The following PLA1A variants were observed in gnomAD, a reference collection of about 807,000 sequenced individuals.
PLA1A encodes the protein phospholipase A1 member A, also known as phosphatidylserine-specific phospholipase A1alpha.
A neutral mutation model predicts 49.4 loss-of-function variants in PLA1A; 47 were observed. The ratio of observed to expected loss-of-function variants is 0.95; its 90% CI spans 0.75 to 1.21. PLA1A has a LOEUF of 1.21. Among genes scored for constraint, PLA1A ranks in the 50% most tolerant of loss-of-function variants. The probability of loss-of-function intolerance (pLI) is 0.00; values close to 1 mark genes in which losing one functional copy is unlikely to be tolerated. For synonymous variants in PLA1A, 224 were observed against 207.9 expected, an observed-to-expected ratio of 1.08 and a Z score of -0.67; for missense variants, 561 against 563.9, an observed-to-expected ratio of 0.99 and a Z score of 0.05.
At chr3:119,613,556 C>T (rs2082798899) in intron 5 of PLA1A, among the ~76,000 whole-genome samples, 1 of 152,192 alleles carries the variant, frequency 6.6e-6, no homozygotes, top group Admixed American at 6.5e-5. Context: ...CTTCCCTCCT[C>T]CCCAGATGAC....
intron 9 of PLA1A, among the ~76,000 whole-genome samples, chr3:119,625,846 G>A (rs483349): frequency 0.61 from 92,143 of 151,952 alleles, 29,493 homozygotes; most frequent in East Asian, 0.89. Context: ...GAGAGGGCAA[G>A]GAACCCCAAC....
At position 119,606,879 on chromosome 3, in the gene PLA1A, A is replaced by T; in HGVS notation, c.179A>T (p.Asn60Ile). 1.2e-6 allele frequency: 2 copies of T among 1,614,046 alleles called. No homozygotes were observed. The highest frequency in any genetic ancestry group is 1.7e-6 in the Non-Finnish European group (2 of 1,179,928). Residue 60 changes from asparagine to isoleucine, a missense_variant, in exon 2 of 11, where the codon AAT becomes ATT. Coordinates refer to ENST00000273371, the MANE Select transcript of PLA1A (RefSeq NM_015900.4). ...KVQFLLFVPS[N>I]PSCGQLVEGS... Reference sequence around the variant, plus strand: ...CAGTTTCTCCTCTTTGTCCCTTCGAATCCTAGCTGTGGGCAGCTAGTAGAA... The same window carrying T: ...CAGTTTCTCCTCTTTGTCCCTTCGATTCCTAGCTGTGGGCAGCTAGTAGAA...
At chr3:119,618,328 G>T (rs1470523249) in intron 7 of PLA1A, 142 bp downstream of exon 7, 4 of 755,570 alleles carry the variant, frequency 5.3e-6, no homozygotes, top group Non-Finnish European at 8.8e-6. Context: ...GAGGTGCTCA[G>T]CCTGTTCTTA....
chr3:119,603,988 G>T (rs1360507369), intron 1 of PLA1A, among the ~76,000 whole-genome samples: 6 of 152,200 alleles, frequency 3.9e-5, no homozygotes, highest in African/African-American at 1.4e-4. Context: ...GCTTCCCAAA[G>T]AATTATTTTA....
chr3:119,629,406 G>C lies in PLA1A; in HGVS notation c.1309G>C (p.Glu437Gln). The change falls in exon 11 of 11, where the codon GAA becomes CAA. Residue 437 changes from glutamate (E) to glutamine (Q), a missense_variant. Physicochemically the swap from Glu to Gln is conservative, Grantham distance 29 (BLOSUM62 2). Coordinates refer to ENST00000273371, the MANE Select transcript of PLA1A (RefSeq NM_015900.4). ...CAGAGAAAAGATGGTCTGCTTACCT[G>C]AACCAGTGAACTTACAAGCAAGTGT... ...NDREKMVCLP[E>Q]PVNLQASVTV... The C allele has an allele frequency of 6.2e-7, 1 of 1,610,466 alleles. No individual in the cohort carries two copies. Among genetic ancestry groups the C allele is most frequent in the Non-Finnish European group, 8.5e-7 (1 of 1,176,802 alleles).
At chr3:119,617,650 G>A (rs2082866608) in intron 6 of PLA1A, among the ~76,000 whole-genome samples, 10 of 151,714 alleles carry the variant, frequency 6.6e-5, no homozygotes, top group Admixed American at 6.6e-4. Context: ...GACTGAGGCA[G>A]GAAAATTGCT....
At chr3:119,626,689 C>G (rs1001374117) in intron 9 of PLA1A, among the ~76,000 whole-genome samples, 2 of 152,154 alleles carry the variant, frequency 1.3e-5, no homozygotes, top group African/African-American at 4.8e-5. Context: ...TGGACATGAA[C>G]TCTGCTGTGA....
chr3:119,602,144 C>G (rs921373635), intron 1 of PLA1A, among the ~76,000 whole-genome samples: 3 of 152,074 alleles, frequency 2.0e-5, no homozygotes, highest in African/African-American at 7.2e-5. Flanking sequence ...TCTCCCCTGT[C>G]CTTTGCACTT....
At chr3:119,600,169 C>T (rs979645609) in intron 1 of PLA1A, 33 of 528,944 alleles carry the variant, frequency 6.2e-5, no homozygotes, top group Non-Finnish European at 9.8e-5. Context: ...CAGGTGCCTG[C>T]TGTCACACAA....
intron 1 of PLA1A, among the ~76,000 whole-genome samples, chr3:119,605,382 A>G (rs1239987860): frequency 1.3e-5 from 2 of 152,244 alleles, no homozygotes; most frequent in African/African-American, 4.8e-5. Context: ...GGTATTCTCC[A>G]CAGGTGGGGT....
At chr3:119,620,108 C>T (rs920526745) in intron 8 of PLA1A, 5 of 457,270 alleles carry the variant, frequency 1.1e-5, no homozygotes, top group African/African-American at 2.0e-5. Flanking sequence ...TGCTCCTAAC[C>T]ATGGCATTTC....
chr3:119,611,855 C>T (rs2082767918), intron 4 of PLA1A, among the ~76,000 whole-genome samples: 1 of 152,160 alleles, frequency 6.6e-6, no homozygotes, highest in African/African-American at 2.4e-5. Flanking sequence ...TTTCTCTTGC[C>T]TGATTGCTCT....
intron 7 of PLA1A, 41 bp from the exon 8 acceptor site, chr3:119,619,522 G>A: frequency 7.1e-7 from 1 of 1,400,274 alleles, no homozygotes; most frequent in Non-Finnish European, 1.0e-6. Flanking sequence ...CCCTAAGATA[G>A]CCTTCTCAGG....
chr3:119,623,870 G>A (rs535819011), intron 8 of PLA1A, among the ~76,000 whole-genome samples: 6 of 151,774 alleles, frequency 4.0e-5, no homozygotes, highest in African/African-American at 1.5e-4. Context: ...GGTTACAGGT[G>A]CCTGCCACCA....
chr3:119,604,729 T>A (rs1395332760), intron 1 of PLA1A, among the ~76,000 whole-genome samples: 13 of 152,148 alleles, frequency 8.5e-5, no homozygotes, highest in Non-Finnish European at 8.8e-5. Context: ...ATATAAAAAA[T>A]TTTTAAAAAT....
chr3:119,598,021 T>A, intron 1 of PLA1A, 35 bp downstream of exon 1: 1 of 1,351,638 alleles, frequency 7.4e-7, no homozygotes, highest in Non-Finnish European at 1.0e-6. Flanking sequence ...AGGAACTTAT[T>A]TCAGTCAGTG....
intron 2 of PLA1A, among the ~76,000 whole-genome samples, chr3:119,608,260 GAAAGAA>G (rs1560078879): frequency 6.8e-6 from 1 of 148,004 alleles, no homozygotes; most frequent in African/African-American, 2.5e-5. Flanking sequence ...AAGAAAGAAA[GAAAGAA>G]AGAAAGAAAG....
rs1303337939 is a variant in PLA1A at position 119,606,935 on chromosome 3, A to C, written c.235A>C (p.Asn79His). 6.2e-7 allele frequency: 1 copy of C among 1,614,202 alleles called. No homozygotes were observed. The highest frequency in any genetic ancestry group is 1.3e-5 in the African/African-American group (1 of 75,036). Residue 79 changes from asparagine (N) to histidine (H), a missense_variant, in exon 2 of 11, where the codon AAT becomes CAT. Asn to His is a moderately conservative substitution (Grantham distance 68). Transcript: ENST00000273371. ...CAGTGACCTCCAAAACTCTGGGTTC[A>C]ATGCCACTCTGGGAACCAAACTAAT... ...GSSDLQNSGF[N>H]ATLGTKLIIH...
chr3:119,618,281 G>A, intron 7 of PLA1A, 95 bp downstream of exon 7: 1 of 1,075,478 alleles, frequency 9.3e-7, no homozygotes. Flanking sequence ...CTATGGTCAA[G>A]AATTCTATCC....
Sources: allele counts gnomAD v4.1 joint callset (sites outside exome capture counted in the v4.1 genomes callset), GRCh38; gene constraint gnomAD v4.1.1; transcripts MANE v1.5; gene names NCBI Gene and HGNC (gene_info 2026-07-23, HGNC 2026-07-21).